The following BEAN1 variants were observed in gnomAD, a reference collection of about 807,000 sequenced individuals.
BEAN1 encodes brain expressed associated with NEDD4 1, also known as protein BEAN1.
Under a neutral mutation model 17.7 loss-of-function variants are expected in BEAN1, and 17 were observed. The ratio of observed to expected loss-of-function variants is 0.96; its 90% CI spans 0.66 to 1.44. The LOEUF (loss-of-function observed/expected upper bound fraction) is 1.44. Among genes scored for constraint, BEAN1 ranks in the 40% most tolerant of loss-of-function variants. The pLI is 0.00. For synonymous variants in BEAN1, 142 were observed against 151.8 expected, an observed-to-expected ratio of 0.94 and a Z score of 0.47; for missense variants, 359 against 374.1, an observed-to-expected ratio of 0.96 and a Z score of 0.33.
chr16:66,462,260 A>G (rs1963114073), intron 2 of BEAN1, among the ~76,000 whole-genome samples: 1 of 152,228 alleles, frequency 6.6e-6, no homozygotes, highest in Admixed American at 6.5e-5. Context: ...GTGAGTCTTG[A>G]AGAAAAATTA....
chr16:66,465,996 T>C (rs1278565262), intron 2 of BEAN1, among the ~76,000 whole-genome samples: 1 of 152,218 alleles, frequency 6.6e-6, no homozygotes, highest in Non-Finnish European at 1.5e-5. Context: ...GTATTTTTAG[T>C]AGAGATGGAG....
chr16:66,449,919 A>G (rs1478770871), intron 2 of BEAN1, among the ~76,000 whole-genome samples: 1 of 152,230 alleles, frequency 6.6e-6, no homozygotes, highest in Non-Finnish European at 1.5e-5. Flanking sequence ...ATCTAAAATA[A>G]TATGATGATC....
At chr16:66,450,632 C>T (rs1458549748) in intron 2 of BEAN1, among the ~76,000 whole-genome samples, 1 of 152,034 alleles carries the variant, frequency 6.6e-6, no homozygotes, top group East Asian at 1.9e-4. Flanking sequence ...GCAGGAGGAT[C>T]GCTTGAGCAT....
chr16:66,465,150 T>C (rs1016067607), intron 2 of BEAN1, among the ~76,000 whole-genome samples: 2 of 152,266 alleles, frequency 1.3e-5, no homozygotes, highest in African/African-American at 4.8e-5. Context: ...GTTTTGATCA[T>C]GTGGTTTTTG....
chr16:66,484,617 T>G (rs1470661873), downstream of BEAN1: 1 of 454,052 alleles, frequency 2.2e-6, no homozygotes, highest in Non-Finnish European at 4.4e-6. This position sits in a 1 kb window ranked among gnomAD's most constrained non-coding sequence, Gnocchi z 4.2. Context: ...GGCCAGACCC[T>G]GGGATGAGGA....
intron 2 of BEAN1, among the ~76,000 whole-genome samples, chr16:66,444,531 AT>A (rs1373334277): frequency 9.2e-5 from 14 of 152,136 alleles, no homozygotes; most frequent in Non-Finnish European, 1.6e-4. Flanking sequence ...GACCTAACCC[AT>A]CTGTGAAATT....
downstream of BEAN1, among the ~76,000 whole-genome samples, chr16:66,494,738 T>C (rs1254778926): frequency 6.6e-6 from 1 of 152,230 alleles, no homozygotes; most frequent in Non-Finnish European, 1.5e-5. Context: ...TCAACTCTCA[T>C]GCCTGCTCTC....
exon 5 of BEAN1, chr16:66,493,185 C>T (rs1029972596): frequency 3.8e-5 from 27 of 702,848 alleles, no homozygotes; most frequent in Admixed American, 1.8e-4. Flanking sequence ...ATGCTTGAGC[C>T]GGGCACAGAG....
chr16:66,457,764 C>T (rs796118280), intron 2 of BEAN1, among the ~76,000 whole-genome samples: 8 of 150,872 alleles, frequency 5.3e-5, no homozygotes, highest in African/African-American at 1.9e-4. Flanking sequence ...CAGATATCAG[C>T]AAGTGAGCTA....
chr16:66,466,396 C>T (rs1421070265), intron 2 of BEAN1, among the ~76,000 whole-genome samples: 1 of 152,064 alleles, frequency 6.6e-6, no homozygotes, highest in East Asian at 1.9e-4. Context: ...TTTATTATTT[C>T]CTTCTCTCTG....
At chr16:66,476,704 G>A (rs1963763216) in intron 3 of BEAN1, among the ~76,000 whole-genome samples, 1 of 152,210 alleles carries the variant, frequency 6.6e-6, no homozygotes. Flanking sequence ...GCAAGTCACC[G>A]GGCCTCCCAG....
intron 2 of BEAN1, among the ~76,000 whole-genome samples, chr16:66,467,594 G>T (rs373739003): frequency 6.6e-6 from 1 of 152,178 alleles, no homozygotes; most frequent in African/African-American, 2.4e-5. Context: ...GTGAGATTTG[G>T]ATGGGGACAC....
intron 2 of BEAN1, among the ~76,000 whole-genome samples, chr16:66,467,349 T>C (rs1963291114): frequency 6.6e-6 from 1 of 152,178 alleles, no homozygotes; most frequent in African/African-American, 2.4e-5. Context: ...CGGTTCCAGA[T>C]GGCTGGAGAG....
Position 66,480,666 on chromosome 16 carries a change from C to G in BEAN1, c.521C>G (p.Ser174Cys). The change falls in exon 5 of 5, where the codon TCC (serine) becomes TGC (cysteine). Residue 174 changes from serine (S) to cysteine (C), a missense_variant. Ser to Cys is a moderately radical substitution (Grantham distance 112). Transcript: ENST00000536005. ...CCACCACCCTACTCGCTGACTGATT[C>G]CTGCCCCACGCTGGATGGCACCTCC... ...DAPPPYSLTD[S>C]CPTLDGTSDS... 1 of 1,551,694 alleles carries G rather than the reference C, an allele frequency of 6.4e-7. No homozygotes were observed.
At chr16:66,441,559 T>C (rs961366403) in intron 2 of BEAN1, among the ~76,000 whole-genome samples, 1 of 152,138 alleles carries the variant, frequency 6.6e-6, no homozygotes, top group African/African-American at 2.4e-5. Context: ...CTGTTCCCAT[T>C]TGGGCTTCTC....
In BEAN1 at chr16:66,454,262, G is replaced by A. The variant is rs373495978; in HGVS notation, c.26-15340G>A. 8.3e-4 allele frequency among the ~76,000 whole-genome samples: 127 copies of A among 152,208 alleles called. 2 individuals carry two copies. Among genetic ancestry groups the A allele is most frequent in the African/African-American group, 2.7e-3 (112 of 41,530 alleles). On this transcript the variant is annotated intron_variant, in intron 2 of 4. Transcript: ENST00000536005. The stretch of plus-strand genomic sequence containing the variant: ...TATGAATGTCACACTGGTTGATAGC[G>A]TCATTCAAGTCTTCTGTATCCTGGC...
At chr16:66,449,894 G>A (rs1273711185) in intron 2 of BEAN1, among the ~76,000 whole-genome samples, 1 of 152,148 alleles carries the variant, frequency 6.6e-6, no homozygotes, top group African/African-American at 2.4e-5. Context: ...TGTCTACCAA[G>A]TGTAAGATCC....
Position 66,459,075 on chromosome 16 carries a change from TGTGCTCATCCAAGCC to T in BEAN1, c.26-10519_26-10505del, listed in dbSNP as rs1173670201. On this transcript the variant is annotated intron_variant, in intron 2 of 4. Transcript: ENST00000536005. ...TGCAGTGTCATTCTGTGGCATCAAG[TGTGCTCATCCAAGCC>T]GTGCTCAGCTCTGTGCTCACCTCTG... Among the ~76,000 whole-genome samples the T allele has an allele frequency of 5.9e-5, 9 of 152,226 alleles. No homozygotes were observed. The East Asian group carries it at 1.5e-3, about 26-fold the overall frequency.
chr16:66,483,804 G>C (rs1026859236), downstream of BEAN1: 1 of 152,530 alleles, frequency 6.6e-6, no homozygotes, highest in Admixed American at 6.5e-5. Flanking sequence ...GAAAGACCAC[G>C]AGATAGGCTC....
Sources: allele counts gnomAD v4.1 joint callset (sites outside exome capture counted in the v4.1 genomes callset), GRCh38; gene constraint gnomAD v4.1.1; non-coding constraint Gnocchi (gnomAD v3.1); transcripts MANE v1.5; gene names NCBI Gene and HGNC (gene_info 2026-07-23, HGNC 2026-07-21).